The following NDUFAF6 variants were observed in gnomAD, a reference collection of about 807,000 sequenced individuals.
NDUFAF6 encodes NADH dehydrogenase (ubiquinone) complex I, assembly factor 6.
NDUFAF6 carries 45 observed loss-of-function variants against 40.8 expected under a neutral mutation model. That is an observed-to-expected ratio of 1.10 (90% CI 0.87 to 1.42). The LOEUF (loss-of-function observed/expected upper bound fraction) is 1.42, where lower values mean the gene tolerates loss of function less well. Among genes scored for constraint, NDUFAF6 ranks in the 40% most tolerant of loss-of-function variants. The pLI, the probability that NDUFAF6 is intolerant of heterozygous loss-of-function variation, is 0.00. For synonymous variants in NDUFAF6, 185 were observed against 155.9 expected, an observed-to-expected ratio of 1.19 and a Z score of -1.39; for missense variants, 435 against 418.5, an observed-to-expected ratio of 1.04 and a Z score of -0.34.
chr8:94,961,339 T>C (rs1048718514), intron 1 of NDUFAF6, among the ~76,000 whole-genome samples: 1 of 152,274 alleles, frequency 6.6e-6, no homozygotes, highest in Non-Finnish European at 1.5e-5. Context: ...GTCTAATGAC[T>C]TACAGTTTCA....
chr8:95,039,549 A>G (rs576414383), intron 3 of NDUFAF6, among the ~76,000 whole-genome samples: 1 of 150,738 alleles, frequency 6.6e-6, no homozygotes, highest in Non-Finnish European at 1.5e-5. Context: ...AAGTGCTGGT[A>G]TTACAGGTAT....
In NDUFAF6 at chr8:95,035,525, TA is replaced by T; in HGVS notation, c.370del (p.Ile124TyrfsTer24). On this transcript the variant is annotated frameshift_variant, in exon 3 of 9. Transcript: ENST00000396124. LOFTEE classifies it high-confidence loss of function. ...MQFWKKTVED[I>X]YCDNPPHQPV... ...AGTTTTGGAAAAAAACTGTGGAAGATATATACTGTGACAATCCACCACATCA... is the reference window on the plus strand; with the variant it reads ...AGTTTTGGAAAAAAACTGTGGAAGATTATACTGTGACAATCCACCACATCA... The T allele has an allele frequency of 6.2e-7, 1 of 1,613,094 alleles. No individual in the cohort carries two copies. The highest frequency in any genetic ancestry group is 8.5e-7 in the Non-Finnish European group (1 of 1,179,770).
chr8:94,928,461 A>C (rs560402931), intron 1 of NDUFAF6: 3 of 152,640 alleles, frequency 2.0e-5, no homozygotes, highest in Admixed American at 6.5e-5. Flanking sequence ...AAACATACAC[A>C]CCTTCATGGA....
intron 1 of NDUFAF6, among the ~76,000 whole-genome samples, chr8:94,941,343 T>C (rs1370723399): frequency 6.6e-6 from 1 of 152,194 alleles, no homozygotes; most frequent in African/African-American, 2.4e-5. Context: ...TTCATATTTA[T>C]GCTTTTATAA....
chr8:94,950,541 T>C (rs1197000553), intron 2 of NDUFAF6, among the ~76,000 whole-genome samples: 2 of 152,212 alleles, frequency 1.3e-5, no homozygotes, highest in African/African-American at 4.8e-5. Context: ...ACAATGCTGG[T>C]TTTAAAGGAT....
chr8:95,046,041 A>ATTTTATTTTTTTTTTT (rs1554676290), intron 5 of NDUFAF6, among the ~76,000 whole-genome samples: 14 of 151,234 alleles, frequency 9.3e-5, no homozygotes, highest in African/African-American at 3.4e-4. Context: ...CATTTATTTT[A>ATTTTATTTTTTTTTTT]TTTTATTTTA....
chr8:95,043,824 T>A (rs1344331323), intron 4 of NDUFAF6, among the ~76,000 whole-genome samples: 1 of 152,196 alleles, frequency 6.6e-6, no homozygotes, highest in Non-Finnish European at 1.5e-5. Flanking sequence ...AAAAATAGTT[T>A]GGCAACTTTT....
At chr8:94,896,571 G>C (rs989035704) in intron 1 of NDUFAF6, 1 of 152,120 alleles carries the variant, frequency 6.6e-6, no homozygotes, top group Non-Finnish European at 1.5e-5. Context: ...TGGAGGAGCA[G>C]TGCGAAGGCG....
intron 1 of NDUFAF6, among the ~76,000 whole-genome samples, chr8:94,979,172 A>C (rs1324175919): frequency 2.0e-5 from 3 of 152,080 alleles, no homozygotes; most frequent in African/African-American, 7.2e-5. Flanking sequence ...TCATTCTGGT[A>C]ATTATTTTTT....
chr8:94,921,730 C>T (rs1819515913), intron 1 of NDUFAF6, among the ~76,000 whole-genome samples: 2 of 152,214 alleles, frequency 1.3e-5, no homozygotes, highest in African/African-American at 4.8e-5. Context: ...TGCAGATTAA[C>T]ATCCTTCAGT....
intron 1 of NDUFAF6, among the ~76,000 whole-genome samples, chr8:94,959,842 GC>G (rs1227423767): frequency 1.3e-5 from 2 of 152,100 alleles, no homozygotes; most frequent in Non-Finnish European, 2.9e-5. Flanking sequence ...GCCTGGCCTG[GC>G]CTATTTGTAT....
At chr8:95,114,525 C>A (rs953209188) in intron 4 of NDUFAF6, among the ~76,000 whole-genome samples, 5 of 152,182 alleles carry the variant, frequency 3.3e-5, no homozygotes, top group African/African-American at 1.2e-4. Context: ...ACTTTAGTCC[C>A]AAGTGATTCA....
chr8:95,082,043 GAC>G (rs1015523855), intron 2 of NDUFAF6, among the ~76,000 whole-genome samples: 1 of 152,032 alleles, frequency 6.6e-6, no homozygotes, highest in African/African-American at 2.4e-5. Context: ...CAGCCTGGGT[GAC>G]AGAGTGAGAC....
downstream of NDUFAF6, among the ~76,000 whole-genome samples, chr8:95,104,846 T>C (rs182326833): frequency 1.2e-3 from 187 of 152,258 alleles, 1 homozygote; most frequent in Middle Eastern, 0.017. Context: ...GCACTGATCA[T>C]GTGGCCTGGC....
Position 95,102,465 on chromosome 8 carries a change from C to T in NDUFAF6, n.231-511C>T, listed in dbSNP as rs146157790. Among the ~76,000 whole-genome samples, 400 of 152,338 alleles carry T rather than the reference C, an allele frequency of 2.6e-3. 2 individuals carry two copies. Among genetic ancestry groups the T allele is most frequent in the African/African-American group, 9.4e-3 (390 of 41,576 alleles). ...AGAATCTGCTACTGCTGGCCCCCCA[C>T]TCCTGACCCCCTGGGTTGAGACCCA... On this transcript the variant is annotated intron_variant and non_coding_transcript_variant, in intron 2 of 2. Coordinates refer to the NDUFAF6 transcript ENST00000521063.
At chr8:94,987,259 G>T (rs556026205) in intron 2 of NDUFAF6, among the ~76,000 whole-genome samples, 2 of 152,242 alleles carry the variant, frequency 1.3e-5, no homozygotes, top group South Asian at 2.1e-4. Context: ...TTATTGACTT[G>T]GTTCATCCAC....
chr8:94,935,089 CGGTAGGTA>C (rs151249970), intron 1 of NDUFAF6, among the ~76,000 whole-genome samples: 38 of 149,950 alleles, frequency 2.5e-4, no homozygotes, highest in Admixed American at 2.1e-3. Context: ...AAACAGGAAA[CGGTAGGTA>C]GGTAGGTAGG....
chr8:95,060,577 G>C (rs539655786), downstream of NDUFAF6, among the ~76,000 whole-genome samples: 1 of 152,132 alleles, frequency 6.6e-6, no homozygotes, highest in African/African-American at 2.4e-5. Context: ...GGTGTACTTC[G>C]CACTTTTATG....
At chr8:94,931,479 A>T (rs1365135328) in intron 1 of NDUFAF6, among the ~76,000 whole-genome samples, 1 of 148,604 alleles carries the variant, frequency 6.7e-6, no homozygotes. Context: ...GCTGTAAACT[A>T]TGTCAACACG....
Sources: allele counts gnomAD v4.1 joint callset (sites outside exome capture counted in the v4.1 genomes callset), GRCh38; gene constraint gnomAD v4.1.1; transcripts MANE v1.5; gene names NCBI Gene and HGNC (gene_info 2026-07-23, HGNC 2026-07-21).